Variants in PPP1R42 observed in about 807,000 individuals in gnomAD.
PPP1R42 encodes the protein leucine rich repeat containing 67.
Under a neutral mutation model 31.0 loss-of-function variants are expected in PPP1R42, and 34 were observed. The observed-to-expected ratio is 1.10, with a 90% CI of 0.83 to 1.46. The LOEUF (loss-of-function observed/expected upper bound fraction) is 1.46, where lower values mean the gene tolerates loss of function less well. PPP1R42 is among the 40% of genes most tolerant of loss of function. The pLI, the probability that PPP1R42 is intolerant of heterozygous loss-of-function variation, is 0.00. For missense variants in PPP1R42, 268 were observed against 303.0 expected (o/e 0.88, Z 0.86); for synonymous variants, 103 against 109.8 (o/e 0.94, Z 0.39).
chr8:67,024,124 G>A (rs898244909), intron 1 of PPP1R42, among the ~76,000 whole-genome samples: 3 of 150,916 alleles, frequency 2.0e-5, no homozygotes, highest in East Asian at 2.0e-4. Flanking sequence ...CCAGCCTGGC[G>A]ACAGACCAAG....
At chr8:67,006,739 CTTT>C (rs1183630078) in intron 5 of PPP1R42, among the ~76,000 whole-genome samples, 1 of 70,534 alleles carries the variant, frequency 1.4e-5, no homozygotes, top group African/African-American at 6.2e-5. Context: ...AGGGTAGAGG[CTTT>C]TTTTTTTTTT....
intron 6 of PPP1R42, chr8:66,985,905 C>T: frequency 1.1e-6 from 1 of 910,512 alleles, no homozygotes; most frequent in Non-Finnish European, 1.8e-6. Context: ...TGCTTCTTTA[C>T]TCCTGATGAT....
chr8:66,992,435 T>C (rs1256635645), intron 5 of PPP1R42, among the ~76,000 whole-genome samples: 4 of 152,042 alleles, frequency 2.6e-5, no homozygotes, highest in Non-Finnish European at 4.4e-5. Context: ...TAATAAAACA[T>C]CTAACTAATA....
chr8:66,964,330 G>C lies in PPP1R42; in HGVS notation c.807C>G (p.Ile269Met). 1 of 1,267,152 alleles carries C rather than the reference G, an allele frequency of 7.9e-7. No homozygotes were observed. Among genetic ancestry groups the C allele is most frequent in the Non-Finnish European group, 1.0e-6 (1 of 981,074 alleles). The allele number at this position is 1,267,152 out of a possible 1,614,324, so 78.5% of individuals were successfully genotyped here. The change falls in exon 8 of 8, where the codon ATC (isoleucine) becomes ATG (methionine). Residue 269 changes from isoleucine to methionine, a missense_variant. Ile to Met is a conservative substitution (Grantham distance 10, BLOSUM62 1). Coordinates refer to ENST00000685739, the MANE Select transcript of PPP1R42 (RefSeq NM_001364910.1). ...NEDASNSLIR[I>M]SL ...AAGCTTTCAGATTGCTTCAAAGAGA[G>C]ATTCCTGTATTTATAGAGAGGGAAA...
At chr8:67,026,730 G>C (rs1816412005) in intron 1 of PPP1R42, among the ~76,000 whole-genome samples, 2 of 152,206 alleles carry the variant, frequency 1.3e-5, no homozygotes, top group South Asian at 4.1e-4. Context: ...TATTTGGGAG[G>C]TTGAGGCAGG....
At chr8:66,984,504 A>C in intron 6 of PPP1R42, 1 of 1,235,468 alleles carries the variant, frequency 8.1e-7, no homozygotes, top group Non-Finnish European at 1.2e-6. Context: ...CATTGGCCTC[A>C]ATCTTGAACT....
At chr8:66,967,566 T>C (rs185607202) in intron 7 of PPP1R42, among the ~76,000 whole-genome samples, 124 of 152,354 alleles carry the variant, frequency 8.1e-4, no homozygotes, top group Middle Eastern at 6.8e-3. Flanking sequence ...ACTGTTCAAA[T>C]ATAACCTTAA....
chr8:67,004,021 TG>T (rs1815594044), intron 5 of PPP1R42, among the ~76,000 whole-genome samples: 1 of 146,712 alleles, frequency 6.8e-6, no homozygotes, highest in African/African-American at 2.6e-5. Context: ...ACCTGGGAGG[TG>T]GAGCTGGCAG....
intron 7 of PPP1R42, chr8:66,970,892 T>A (rs529397503): frequency 1.1e-6 from 1 of 950,040 alleles, no homozygotes; most frequent in South Asian, 1.4e-5. Flanking sequence ...GGAGACAGAT[T>A]GGATGGCCTC....
Position 66,988,379 on chromosome 8 carries a change from T to G in PPP1R42, c.670+21A>C, listed in dbSNP as rs1025371697. On this transcript the variant is annotated intron_variant, in intron 6 of 7. Transcript: ENST00000685739. ...AACTAGGTGTCATTCTCTTAAAAAT[T>G]ATATTAATATAAATATGTACCCAGT... is the stretch of plus-strand genomic sequence containing the variant. 2.9e-6 allele frequency: 4 copies of G among 1,370,244 alleles called. No individual in the cohort carries two copies. The African/African-American group carries it at 6.1e-5, about 21-fold the overall frequency. 84.9% of individuals were successfully genotyped at this position (1,370,244 alleles called of 1,614,324 possible).
intron 6 of PPP1R42, chr8:66,985,066 A>G: frequency 7.3e-7 from 1 of 1,362,002 alleles, no homozygotes; most frequent in South Asian, 1.2e-5. Context: ...CCACCACTCA[A>G]TTTCAGGGAT....
At chr8:66,986,800 G>A (rs1815032191) in intron 6 of PPP1R42, among the ~76,000 whole-genome samples, 1 of 152,174 alleles carries the variant, frequency 6.6e-6, no homozygotes, top group African/African-American at 2.4e-5. Flanking sequence ...CTTTCTGATA[G>A]AAAGTAAATA....
At chr8:66,984,247 A>T (rs938871615) in intron 6 of PPP1R42, 2 of 1,487,076 alleles carry the variant, frequency 1.3e-6, no homozygotes, top group African/African-American at 1.4e-5. Context: ...TTTAAACTTC[A>T]TCTCTCCAAA....
At chr8:67,022,141 C>G (rs1282370389) in intron 1 of PPP1R42, among the ~76,000 whole-genome samples, 1 of 152,162 alleles carries the variant, frequency 6.6e-6, no homozygotes, top group African/African-American at 2.4e-5. Context: ...TAAAAGAGTT[C>G]CCACTGCTCT....
chr8:67,003,133 T>G (rs926052797), intron 5 of PPP1R42, among the ~76,000 whole-genome samples: 2 of 146,358 alleles, frequency 1.4e-5, no homozygotes, highest in Non-Finnish European at 3.0e-5. Context: ...ACCATTGCAC[T>G]TCAGCCTGGG....
At chr8:66,985,988 C>G (rs2130928666) in intron 6 of PPP1R42, 1 of 745,836 alleles carries the variant, frequency 1.3e-6, no homozygotes, top group African/African-American at 1.7e-5. Flanking sequence ...CACTGCTAGA[C>G]TTGGAATGCC....
Position 66,964,274 on chromosome 8 carries a change from G to A in PPP1R42, c.*47C>T. The A allele has an allele frequency of 4.7e-6, 6 of 1,266,682 alleles. No individual in the cohort carries two copies. The highest frequency in any genetic ancestry group is 6.2e-6 in the Non-Finnish European group (6 of 969,120). 78.5% of individuals were successfully genotyped at this position (1,266,682 alleles called of 1,614,324 possible). On this transcript the variant is annotated 3_prime_UTR_variant, in exon 8 of 8. Coordinates refer to ENST00000685739, the MANE Select transcript of PPP1R42 (RefSeq NM_001364910.1). ...CTTTTTCTTCTGGGTTATGGAAGAG[G>A]TGAGGTTCATGCACATCATTTTTTG... is the stretch of plus-strand genomic sequence containing the variant.
chr8:66,970,090 A>G (rs976759267), intron 7 of PPP1R42, among the ~76,000 whole-genome samples: 4 of 152,034 alleles, frequency 2.6e-5, no homozygotes, highest in Non-Finnish European at 5.9e-5. Flanking sequence ...CAGATGTCTC[A>G]TGTTTTATAT....
In PPP1R42 at chr8:67,014,401, A is replaced by T. The variant is rs1421869409; in HGVS notation, c.296+25T>A. 3.7e-6 allele frequency: 5 copies of T among 1,355,886 alleles called. No individual in the cohort carries two copies. The South Asian group carries it at 6.4e-5, about 17-fold the overall frequency. 84.0% of individuals were successfully genotyped at this position (1,355,886 alleles called of 1,614,324 possible). On this transcript the variant is annotated intron_variant, in intron 3 of 7. Coordinates refer to ENST00000685739, the MANE Select transcript of PPP1R42 (RefSeq NM_001364910.1). ...TACCATAATCATAAAAATCAGATAC[A>T]TTATTAAAAAATAAAAGCACTTACA...
Sources: allele counts gnomAD v4.1 joint callset (sites outside exome capture counted in the v4.1 genomes callset), GRCh38; gene constraint gnomAD v4.1.1; transcripts MANE v1.5; gene names NCBI Gene and HGNC (gene_info 2026-07-23, HGNC 2026-07-21).